Variants in B3GALT1 observed in about 807,000 individuals in gnomAD.
B3GALT1 encodes the protein UDP-Gal:betaGlcNAc beta 1,3-galactosyltransferase, polypeptide 1.
Under a neutral mutation model 23.2 loss-of-function variants are expected in B3GALT1, and 10 were observed. That is an observed-to-expected ratio of 0.43 (90% CI 0.27 to 0.73). The LOEUF (loss-of-function observed/expected upper bound fraction) is 0.73, where lower values mean the gene tolerates loss of function less well. B3GALT1 is among the 30% of genes least tolerant of loss of function. The pLI is 0.21. For synonymous variants in B3GALT1, 156 were observed against 141.5 expected, an observed-to-expected ratio of 1.10 and a Z score of -0.73; for missense variants, 299 against 405.4, an observed-to-expected ratio of 0.74 and a Z score of 2.25.
At chr2:167,425,824 C>T (rs941388522) in intron 1 of B3GALT1, among the ~76,000 whole-genome samples, 6 of 152,046 alleles carry the variant, frequency 3.9e-5, no homozygotes, top group Non-Finnish European at 8.8e-5. Context: ...GATGCATGTG[C>T]GAAACCAGAA....
chr2:167,641,035 G>A lies in B3GALT1; in HGVS notation c.-409-5874G>A, dbSNP rs115707610. ...AAGCATCTCAAAATGAATCTCTTCC[G>A]TTAACCTCTTCCTAATCCTACACCT... On this transcript the variant is annotated intron_variant, in intron 2 of 4. Coordinates refer to ENST00000392690, the MANE Select transcript of B3GALT1 (RefSeq NM_020981.4). 4.0e-3 allele frequency among the ~76,000 whole-genome samples: 616 copies of A among 152,170 alleles called. 2 individuals carry two copies. The highest frequency in any genetic ancestry group is 0.024 in the Middle Eastern group (7 of 294).
intron 1 of B3GALT1, among the ~76,000 whole-genome samples, chr2:167,332,913 C>G (rs1696996763): frequency 6.6e-6 from 1 of 152,216 alleles, no homozygotes; most frequent in Non-Finnish European, 1.5e-5. Flanking sequence ...CATTTCATGC[C>G]TTACCTGGGT....
At chr2:167,543,524 G>A (rs1438999404) in intron 2 of B3GALT1, among the ~76,000 whole-genome samples, 1 of 152,078 alleles carries the variant, frequency 6.6e-6, no homozygotes, top group Non-Finnish European at 1.5e-5. Context: ...TATGAAAAAA[G>A]CAAATTGATC....
At chr2:167,586,990 T>C (rs1684594855) in intron 2 of B3GALT1, among the ~76,000 whole-genome samples, 1 of 152,126 alleles carries the variant, frequency 6.6e-6, no homozygotes, top group Admixed American at 6.5e-5. Flanking sequence ...ACCTATAAAT[T>C]TCAGTTAAAC....
intron 3 of B3GALT1, among the ~76,000 whole-genome samples, chr2:167,686,606 A>T (rs1352075025): frequency 6.6e-6 from 1 of 152,216 alleles, no homozygotes; most frequent in Admixed American, 6.5e-5. Flanking sequence ...ACAACATTTT[A>T]GTAAGTTTTA....
At chr2:167,386,280 T>TAA (rs1331562923) in intron 1 of B3GALT1, among the ~76,000 whole-genome samples, 2 of 152,056 alleles carry the variant, frequency 1.3e-5, no homozygotes, top group African/African-American at 2.4e-5. Context: ...GCTCACTCTT[T>TAA]ATAAAGAACG....
intron 2 of B3GALT1, among the ~76,000 whole-genome samples, chr2:167,549,424 T>C (rs953949574): frequency 6.6e-6 from 1 of 152,198 alleles, no homozygotes; most frequent in Non-Finnish European, 1.5e-5. Context: ...AACAGTATGC[T>C]CTTCACTCTG....
At chr2:167,610,129 T>C (rs1458269052) in intron 2 of B3GALT1, among the ~76,000 whole-genome samples, 1 of 152,116 alleles carries the variant, frequency 6.6e-6, no homozygotes. Flanking sequence ...TTTTAGCGAA[T>C]GTTAACTCAT....
intron 1 of B3GALT1, among the ~76,000 whole-genome samples, chr2:167,309,019 T>C (rs2105484820): frequency 6.6e-6 from 1 of 152,192 alleles, no homozygotes; most frequent in Admixed American, 6.5e-5. Context: ...ACATATTCAG[T>C]AATACCTGGC....
chr2:167,328,647 AC>A (rs780179028), intron 1 of B3GALT1, among the ~76,000 whole-genome samples: 5 of 151,994 alleles, frequency 3.3e-5, no homozygotes, highest in Non-Finnish European at 7.4e-5. Context: ...TTTTTGAAGA[AC>A]CAACTTTTCA....
At chr2:167,436,162 G>A (rs80016027) in intron 1 of B3GALT1, among the ~76,000 whole-genome samples, 61 of 151,960 alleles carry the variant, frequency 4.0e-4, no homozygotes, top group African/African-American at 1.4e-3. Flanking sequence ...CCTTTATTTC[G>A]AAAGTAGATT....
chr2:167,448,200 C>G (rs1412991656), intron 1 of B3GALT1, among the ~76,000 whole-genome samples: 1 of 152,158 alleles, frequency 6.6e-6, no homozygotes. Context: ...GATATCCTCA[C>G]TGTTGTCCTT....
At chr2:167,564,705 A>G (rs1684118870) in intron 2 of B3GALT1, among the ~76,000 whole-genome samples, 1 of 152,234 alleles carries the variant, frequency 6.6e-6, no homozygotes, top group South Asian at 2.1e-4. Flanking sequence ...AAGCATTCTT[A>G]TACACCAATA....
intron 2 of B3GALT1, among the ~76,000 whole-genome samples, chr2:167,594,179 G>C (rs1025480133): frequency 6.6e-6 from 1 of 152,176 alleles, no homozygotes; most frequent in African/African-American, 2.4e-5. Flanking sequence ...TAGTTTTGCT[G>C]TGGGAGGCTA....
At chr2:167,620,512 A>G (rs775808944) in intron 2 of B3GALT1, among the ~76,000 whole-genome samples, 1 of 152,102 alleles carries the variant, frequency 6.6e-6, no homozygotes, top group Non-Finnish European at 1.5e-5. Flanking sequence ...AATTCTTAGT[A>G]TTTGCAAATT....
At chr2:167,723,419 GT>G (rs796596212) in intron 3 of B3GALT1, among the ~76,000 whole-genome samples, 1 of 151,970 alleles carries the variant, frequency 6.6e-6, no homozygotes, top group East Asian at 1.9e-4. Context: ...TTAAAATGCT[GT>G]TATTTATTAA....
intron 1 of B3GALT1, among the ~76,000 whole-genome samples, chr2:167,370,232 G>A (rs140462411): frequency 3.9e-5 from 6 of 152,054 alleles, no homozygotes; most frequent in Admixed American, 6.6e-5. Context: ...TTAGATTCCC[G>A]CCTCTTAAAA....
intron 2 of B3GALT1, among the ~76,000 whole-genome samples, chr2:167,529,613 C>A (rs1009706161): frequency 2.6e-5 from 4 of 151,522 alleles, no homozygotes; most frequent in African/African-American, 9.7e-5. Context: ...CCACCGTCAG[C>A]TGTCCCCATC....
chr2:167,396,067 A>G (rs957966265), intron 1 of B3GALT1, among the ~76,000 whole-genome samples: 3 of 152,166 alleles, frequency 2.0e-5, no homozygotes. Flanking sequence ...ATGAAGTTCA[A>G]GGGCTTCAAT....
Sources: gnomAD v4.1 joint callset for allele counts (sites outside exome capture counted in the v4.1 genomes callset) on GRCh38, gnomAD v4.1.1 for gene constraint, MANE v1.5 for transcripts, NCBI Gene and HGNC (gene_info 2026-07-23, HGNC 2026-07-21) for gene names.